The following TIAM1 variants were observed in gnomAD, a reference collection of about 807,000 sequenced individuals.
TIAM1 encodes the protein TIAM Rac1 associated GEF 1.
A neutral mutation model predicts 163.5 loss-of-function variants in TIAM1; 65 were observed. The ratio of observed to expected loss-of-function variants is 0.40; its 90% confidence interval spans 0.33 to 0.49. TIAM1 has a LOEUF of 0.49. TIAM1 is among the 20% of genes least tolerant of loss of function. The pLI is 0.77. For synonymous variants in TIAM1, 833 were observed against 810.1 expected, an observed-to-expected ratio of 1.03 and a Z score of -0.48; for missense variants, 1,789 against 2,044.7, an observed-to-expected ratio of 0.87 and a Z score of 2.41.
chr21:31,137,271 C>G (rs17551963), intron 22 of TIAM1, among the ~76,000 whole-genome samples: 4 of 152,246 alleles, frequency 2.6e-5, no homozygotes, highest in African/African-American at 9.6e-5. Context: ...TCCAGCAGTA[C>G]AGGATACAGA....
At chr21:31,173,986 G>A (rs2146403024) in intron 15 of TIAM1, among the ~76,000 whole-genome samples, 1 of 152,282 alleles carries the variant, frequency 6.6e-6, no homozygotes, top group East Asian at 1.9e-4. Context: ...AGCACAGCAG[G>A]CCGACAGTTT....
intron 9 of TIAM1, among the ~76,000 whole-genome samples, chr21:31,215,469 G>A (rs8127513): frequency 0.076 from 11,343 of 149,362 alleles, 1,338 homozygotes; most frequent in African/African-American, 0.26. Context: ...GTTGAGGCAA[G>A]AGAATCACTT....
chr21:31,200,938 A>C (rs190966758), intron 12 of TIAM1, among the ~76,000 whole-genome samples: 1 of 152,222 alleles, frequency 6.6e-6, no homozygotes, highest in Non-Finnish European at 1.5e-5. Flanking sequence ...CCCTGTACTT[A>C]AGATTCTTTT....
intron 7 of TIAM1, among the ~76,000 whole-genome samples, chr21:31,224,416 G>A (rs2087810761): frequency 6.6e-6 from 1 of 152,220 alleles, no homozygotes; most frequent in African/African-American, 2.4e-5. Context: ...CAGGAGTAAA[G>A]TGCTGATGTA....
chr21:31,144,780 G>C (rs937067267), intron 20 of TIAM1, among the ~76,000 whole-genome samples: 2 of 123,658 alleles, frequency 1.6e-5, no homozygotes, highest in African/African-American at 6.3e-5. Flanking sequence ...AGTGAGCCGA[G>C]ATCACACCAC....
chr21:31,441,351 T>C (rs1406450784), intron 2 of TIAM1, among the ~76,000 whole-genome samples: 1 of 152,212 alleles, frequency 6.6e-6, no homozygotes, highest in Non-Finnish European at 1.5e-5. Context: ...TGTGTTGGTA[T>C]TCAACAAACT....
At chr21:31,179,343 C>T (rs1007051291) in intron 15 of TIAM1, among the ~76,000 whole-genome samples, 9 of 151,514 alleles carry the variant, frequency 5.9e-5, no homozygotes, top group South Asian at 2.1e-4. Context: ...GCCAAGATGG[C>T]GCCATTGCAC....
chr21:31,298,349 T>C (rs1440567523), intron 2 of TIAM1, among the ~76,000 whole-genome samples: 1 of 152,240 alleles, frequency 6.6e-6, no homozygotes, highest in Non-Finnish European at 1.5e-5. Flanking sequence ...CTAAACTTTC[T>C]TAATCATGAA....
At chr21:31,462,926 AG>A (rs2045388827) in intron 2 of TIAM1, among the ~76,000 whole-genome samples, 1 of 152,084 alleles carries the variant, frequency 6.6e-6, no homozygotes, top group African/African-American at 2.4e-5. Flanking sequence ...TATTTGGAGT[AG>A]AGATAGGGTT....
chr21:31,243,209 A>AAAATATAT (rs59419171), intron 6 of TIAM1, among the ~76,000 whole-genome samples: 2 of 117,282 alleles, frequency 1.7e-5, no homozygotes, highest in African/African-American at 7.5e-5. Flanking sequence ...AAAAAAAAAA[A>AAAATATAT]ATATATATAT....
chr21:31,442,070 A>AATATATATAT (rs138822110), intron 2 of TIAM1, among the ~76,000 whole-genome samples: 621 of 53,186 alleles, frequency 0.012, 124 homozygotes, highest in East Asian at 0.035. Context: ...CAAATAAATA[A>AATATATATAT]ATATATATAT....
Position 31,217,548 on chromosome 21 carries a change from C to A in TIAM1, c.2142+5G>T. 6.2e-7 allele frequency: 1 copy of A among 1,613,512 alleles called. No individual in the cohort carries two copies. Among genetic ancestry groups the A allele is most frequent in the Non-Finnish European group, 8.5e-7 (1 of 1,179,684 alleles). On this transcript the variant is annotated splice_donor_5th_base_variant and intron_variant, in intron 9 of 27. Transcript: ENST00000541036. ...GGCTCACTTTTCATCTGCTCTGGAA[C>A]CTACCTGATTGATGCTTGGCCGTCC...
intron 2 of TIAM1, among the ~76,000 whole-genome samples, chr21:31,450,755 A>G (rs9975417): frequency 0.095 from 14,386 of 152,182 alleles, 753 homozygotes; most frequent in East Asian, 0.14. Context: ...GTGTCAGGCA[A>G]GAGAGAGAAT....
chr21:31,552,949 G>A (rs528744733), intron 1 of TIAM1, among the ~76,000 whole-genome samples: 1 of 152,282 alleles, frequency 6.6e-6, no homozygotes, highest in South Asian at 2.1e-4. Context: ...GGAAGTGCAC[G>A]TGGCACCGCC....
chr21:31,317,478 A>G (rs1379431939), intron 2 of TIAM1, among the ~76,000 whole-genome samples: 1 of 144,416 alleles, frequency 6.9e-6, no homozygotes, highest in Non-Finnish European at 1.5e-5. Context: ...CAAAAACCAA[A>G]CAAACATAAA....
intron 15 of TIAM1, among the ~76,000 whole-genome samples, chr21:31,176,405 A>G (rs2146413494): frequency 6.6e-6 from 1 of 152,214 alleles, no homozygotes; most frequent in East Asian, 1.9e-4. Flanking sequence ...ACCAATATGT[A>G]TGAAAACAAA....
chr21:31,285,690 GTC>G (rs1479045937), intron 2 of TIAM1, among the ~76,000 whole-genome samples: 1 of 152,090 alleles, frequency 6.6e-6, no homozygotes, highest in African/African-American at 2.4e-5. Context: ...GTGAAACCCT[GTC>G]TCTACTAAAA....
chr21:31,159,526 A>G (rs1225615081), intron 16 of TIAM1, among the ~76,000 whole-genome samples: 3 of 152,240 alleles, frequency 2.0e-5, no homozygotes, highest in African/African-American at 7.2e-5. Context: ...AGAGTGGCCT[A>G]AAATCTTATA....
chr21:31,146,908 C>T lies in TIAM1; in HGVS notation c.3462G>A (p.Lys1154=). The T allele has an allele frequency of 6.2e-7, 1 of 1,614,042 alleles. No homozygotes were observed. Among genetic ancestry groups the T allele is most frequent in the Non-Finnish European group, 8.5e-7 (1 of 1,179,962 alleles). The change falls in exon 20 of 28, where the codon AAG becomes AAA. Residue 1154 remains lysine, a synonymous_variant. Transcript: ENST00000541036. ...AFCASHTKVP[K]VLVKAKTDTA... is the part of the protein sequence containing the mutation. ...CAGAGGCCTTACCTTTCACCAGGACCTTGGGAACTTTTGTGTGGCTGGCGC... is the reference window on the plus strand; with the variant it reads ...CAGAGGCCTTACCTTTCACCAGGACTTTGGGAACTTTTGTGTGGCTGGCGC...
Sources: gnomAD v4.1 joint callset for allele counts (sites outside exome capture counted in the v4.1 genomes callset) on GRCh38, gnomAD v4.1.1 for gene constraint, MANE v1.5 for transcripts, NCBI Gene and HGNC (gene_info 2026-07-23, HGNC 2026-07-21) for gene names.